Variants in SDC2 observed in about 807,000 individuals in gnomAD.
SDC2 encodes the protein syndecan-2.
A neutral mutation model predicts 22.2 loss-of-function variants in SDC2; 13 were observed. The ratio of observed to expected loss-of-function variants is 0.59; its 90% CI spans 0.38 to 0.93. The LOEUF (loss-of-function observed/expected upper bound fraction) is 0.93. Ranked by LOEUF, SDC2 falls within the 40% of genes least tolerant of loss-of-function variation. SDC2 has a pLI of 0.00. For synonymous variants in SDC2, 94 were observed against 92.8 expected, an observed-to-expected ratio of 1.01 and a Z score of -0.07; for missense variants, 235 against 246.8, an observed-to-expected ratio of 0.95 and a Z score of 0.32.
intron 1 of SDC2, among the ~76,000 whole-genome samples, chr8:96,523,987 T>A (rs1356442330): frequency 1.3e-5 from 2 of 152,140 alleles, no homozygotes; most frequent in African/African-American, 4.8e-5. Context: ...AAAAAAGAAG[T>A]CCAGTCCAGG....
chr8:96,547,951 A>G (rs1290018459), intron 1 of SDC2, among the ~76,000 whole-genome samples: 1 of 151,786 alleles, frequency 6.6e-6, no homozygotes, highest in Non-Finnish European at 1.5e-5. Flanking sequence ...TTTTGTAGAG[A>G]TGGTTTTGCT....
intron 1 of SDC2, among the ~76,000 whole-genome samples, chr8:96,497,249 A>C (rs763362400): frequency 6.6e-6 from 1 of 152,220 alleles, no homozygotes; most frequent in Non-Finnish European, 1.5e-5. Context: ...GTAACTTTGC[A>C]GTTCTTTAGA....
intron 1 of SDC2, among the ~76,000 whole-genome samples, chr8:96,508,165 G>A (rs898093623): frequency 5.3e-5 from 8 of 152,018 alleles, no homozygotes; most frequent in African/African-American, 9.7e-5. Context: ...GCATGGGGGC[G>A]GGCGCCTGTG....
At chr8:96,502,199 G>T (rs1015736074) in intron 1 of SDC2, among the ~76,000 whole-genome samples, 3 of 152,182 alleles carry the variant, frequency 2.0e-5, no homozygotes, top group African/African-American at 7.2e-5. Flanking sequence ...ATGGTGGCAG[G>T]CAAGAGAGCT....
At chr8:96,544,680 A>G (rs540409681) in intron 1 of SDC2, among the ~76,000 whole-genome samples, 88 of 152,228 alleles carry the variant, frequency 5.8e-4, no homozygotes, top group Middle Eastern at 3.4e-3. Context: ...TGGTGTCCCC[A>G]CAGCACTTTG....
intron 1 of SDC2, among the ~76,000 whole-genome samples, chr8:96,575,116 C>T (rs964898202): frequency 2.0e-5 from 3 of 152,272 alleles, no homozygotes; most frequent in East Asian, 3.9e-4. Context: ...TAACAGGCCA[C>T]GGATCGGTAT....
At chr8:96,589,386 TTTTGTTTGTTTGTTTG>T (rs142470441) in intron 1 of SDC2, among the ~76,000 whole-genome samples, 1 of 150,714 alleles carries the variant, frequency 6.6e-6, no homozygotes, top group Non-Finnish European at 1.5e-5. Flanking sequence ...AGGACTTTTG[TTTTGTTTGTTTGTTTG>T]TTTGTTTGTT....
At chr8:96,563,263 C>T (rs1814242862) in intron 1 of SDC2, among the ~76,000 whole-genome samples, 1 of 152,150 alleles carries the variant, frequency 6.6e-6, no homozygotes, top group South Asian at 2.1e-4. Context: ...ATTCTAACGG[C>T]CTTACTTCCT....
intron 1 of SDC2, among the ~76,000 whole-genome samples, chr8:96,542,828 A>G (rs921428499): frequency 1.3e-5 from 2 of 152,232 alleles, no homozygotes; most frequent in African/African-American, 4.8e-5. Flanking sequence ...TAGGGCGACC[A>G]TATGTCCCAG....
chr8:96,548,175 G>C (rs1813966728), intron 1 of SDC2, among the ~76,000 whole-genome samples: 1 of 152,176 alleles, frequency 6.6e-6, no homozygotes, highest in Non-Finnish European at 1.5e-5. Flanking sequence ...TATTTGCTAG[G>C]TGGAGCAATT....
At chr8:96,531,266 C>T (rs1311030061) in intron 1 of SDC2, among the ~76,000 whole-genome samples, 1 of 152,204 alleles carries the variant, frequency 6.6e-6, no homozygotes, top group Non-Finnish European at 1.5e-5. Context: ...TTTAATATAA[C>T]TTCTCTTTTA....
intron 1 of SDC2, among the ~76,000 whole-genome samples, chr8:96,534,682 C>T (rs1015882124): frequency 1.3e-5 from 2 of 152,000 alleles, no homozygotes; most frequent in African/African-American, 4.8e-5. Flanking sequence ...GCCAGTCTTC[C>T]TACCTCGGCC....
At chr8:96,533,050 T>A (rs1813692234) in intron 1 of SDC2, among the ~76,000 whole-genome samples, 1 of 152,148 alleles carries the variant, frequency 6.6e-6, no homozygotes, top group Non-Finnish European at 1.5e-5. Context: ...TTCCTTCTGA[T>A]GTTTAGATGT....
chr8:96,512,307 C>G (rs1486268934), intron 1 of SDC2, among the ~76,000 whole-genome samples: 1 of 152,182 alleles, frequency 6.6e-6, no homozygotes, highest in Non-Finnish European at 1.5e-5. Context: ...GACTTCTCCT[C>G]TGGTGGTGGC....
chr8:96,543,928 T>A (rs1372078343), intron 1 of SDC2, among the ~76,000 whole-genome samples: 1 of 152,230 alleles, frequency 6.6e-6, no homozygotes, highest in Non-Finnish European at 1.5e-5. Context: ...TGTCATTGGA[T>A]CAGCAAACAA....
At position 96,609,478 on chromosome 8, in the gene SDC2, A is replaced by G. The variant is rs767760917; in HGVS notation, c.536A>G (p.Tyr179Cys). The change falls in exon 5 of 5, where the codon TAT (tyrosine) becomes TGT (cysteine). Residue 179 changes from tyrosine (Y) to cysteine (C), a missense_variant. Coordinates refer to ENST00000302190, the MANE Select transcript of SDC2 (RefSeq NM_002998.4). ...YRMRKKDEGS[Y>C]DLGERKPSSA... is the part of the protein sequence containing the mutation. ...ATGAGAAAGAAGGATGAAGGAAGCT[A>G]TGACCTTGGAGAACGCAAACCATCC... The G allele has an allele frequency of 1.9e-6, 3 of 1,613,606 alleles. No individual in the cohort carries two copies. Among genetic ancestry groups the G allele is most frequent in the Non-Finnish European group, 2.5e-6 (3 of 1,179,816 alleles).
intron 3 of SDC2, among the ~76,000 whole-genome samples, chr8:96,602,986 A>G (rs780167869): frequency 2.6e-5 from 4 of 152,164 alleles, no homozygotes; most frequent in Non-Finnish European, 5.9e-5. Context: ...CATCAGTACT[A>G]TGTAATCCTT....
At chr8:96,536,568 T>G (rs1813759007) in intron 1 of SDC2, among the ~76,000 whole-genome samples, 1 of 152,108 alleles carries the variant, frequency 6.6e-6, no homozygotes, top group Admixed American at 6.5e-5. Flanking sequence ...GCAGTCCCCC[T>G]CCCTTGGCCT....
chr8:96,545,666 G>A (rs191803625), intron 1 of SDC2, among the ~76,000 whole-genome samples: 3 of 152,318 alleles, frequency 2.0e-5, no homozygotes, highest in Admixed American at 2.0e-4. Context: ...CATTAGAAGT[G>A]TACCATGGGC....
Sources: gnomAD v4.1 joint callset for allele counts (sites outside exome capture counted in the v4.1 genomes callset) on GRCh38, gnomAD v4.1.1 for gene constraint, MANE v1.5 for transcripts, NCBI Gene and HGNC (gene_info 2026-07-23, HGNC 2026-07-21) for gene names.